COL1A2: variants seen among roughly 807,000 people sequenced by gnomAD.
COL1A2 encodes the protein collagen alpha-2(I) chain.
A neutral mutation model predicts 174.3 loss-of-function variants in COL1A2; 49 were observed. The observed-to-expected ratio is 0.28, with a 90% confidence interval of 0.22 to 0.36. The LOEUF is 0.36. Ranked by LOEUF, COL1A2 falls within the 10% of genes least tolerant of loss-of-function variation. The pLI, the probability that COL1A2 is intolerant of heterozygous loss-of-function variation, is 1.00. For missense variants in COL1A2, 1,438 were observed against 1,822.7 expected (o/e 0.79, Z 3.84); for synonymous variants, 655 against 606.6 (o/e 1.08, Z -1.17).
chr7:94,400,234 T>C lies in COL1A2; in HGVS notation c.171T>C (p.Gly57=), dbSNP rs1791663998. Residue 57 remains glycine, a synonymous_variant, in exon 5 of 52, where the codon GGT becomes GGC. Transcript: ENST00000297268. ...CCCCAGGCAGAGATGGTGAAGATGG[T>C]CCCACAGGCCCTCCTGGTCCACCTG... ...PGPPGRDGED[G]PTGPPGPPGP... 6.2e-7 allele frequency: 1 copy of C among 1,612,958 alleles called. No homozygotes were observed. Among genetic ancestry groups the C allele is most frequent in the African/African-American group, 1.3e-5 (1 of 74,596 alleles).
At chr7:94,408,092 G>T (rs1791839093) in intron 13 of COL1A2, 91 bp from the exon 14 acceptor site, 2 of 1,390,784 alleles carry the variant, frequency 1.4e-6, no homozygotes, top group Non-Finnish European at 2.0e-6. Flanking sequence ...GTGTATTCTT[G>T]TACAGGTTGG....
intron 28 of COL1A2, 136 bp downstream of exon 28, chr7:94,414,083 A>G: frequency 2.2e-6 from 3 of 1,338,582 alleles, no homozygotes; most frequent in South Asian, 2.4e-5. Context: ...TTTTTTTCAA[A>G]CAAACTTTTG....
At chr7:94,420,811 G>A in intron 37 of COL1A2, 163 bp downstream of exon 37, 5 of 906,404 alleles carry the variant, frequency 5.5e-6, no homozygotes, top group Non-Finnish European at 8.9e-6. Context: ...AAGTATAAAA[G>A]TTTCATGAAT....
At chr7:94,426,175 G>A in intron 45 of COL1A2, 124 bp downstream of exon 45, 1 of 957,112 alleles carries the variant, frequency 1.0e-6, no homozygotes, top group East Asian at 2.5e-5. Context: ...TTCAGTCCAT[G>A]CTGAGAATTG....
intron 33 of COL1A2, 22 bp downstream of exon 33, chr7:94,418,574 T>C (rs544582330): frequency 6.2e-7 from 1 of 1,600,848 alleles, no homozygotes; most frequent in South Asian, 1.1e-5. Flanking sequence ...TTTGTTTGTA[T>C]GTTTCTTCGT....
intron 33 of COL1A2, among the ~76,000 whole-genome samples, chr7:94,419,185 T>C (rs1792101629): frequency 6.6e-6 from 1 of 151,394 alleles, no homozygotes; most frequent in Non-Finnish European, 1.5e-5. Context: ...TCTAACAGTT[T>C]CAAACAAGGC....
In COL1A2 at chr7:94,405,746, A is replaced by AG; in HGVS notation, c.540+21dup. The stretch of plus-strand genomic sequence containing the variant: ...ATTAGGGTGAGCACATTCTTTACTC[A>AG]GAAGAGAGAAAATGCCTATTAATTT... On this transcript the variant is annotated intron_variant, in intron 11 of 51. Transcript: ENST00000297268. 1.2e-6 allele frequency: 2 copies of AG among 1,604,040 alleles called. No homozygotes were observed. Among genetic ancestry groups the AG allele is most frequent in the Non-Finnish European group, 1.7e-6 (2 of 1,170,828 alleles).
At chr7:94,397,088 A>G (rs1791599248) in intron 1 of COL1A2, among the ~76,000 whole-genome samples, 1 of 152,158 alleles carries the variant, frequency 6.6e-6, no homozygotes, top group South Asian at 2.1e-4. Flanking sequence ...ACATATTGGT[A>G]AAATGATCTT....
chr7:94,422,005 C>CT, intron 39 of COL1A2, 53 bp downstream of exon 39: 1 of 1,491,446 alleles, frequency 6.7e-7, no homozygotes, highest in Non-Finnish European at 9.3e-7. Flanking sequence ...AAAGGCCTGG[C>CT]TTCTGATAGG....
At position 94,423,033 on chromosome 7, in the gene COL1A2, C is replaced by T. The variant is rs758207157; in HGVS notation, c.2480C>T (p.Pro827Leu). The change falls in exon 40 of 52, where the codon CCA becomes CTA. Residue 827 changes from proline to leucine, a missense_variant. By Grantham distance (98) the Pro-to-Leu change is moderately conservative. Transcript: ENST00000297268. ...CGTGGTCCTCGTGGTGACCAAGGTC[C>T]AGTTGGCCGAACTGGAGAAGTAGGT... ...GLRGPRGDQG[P>L]VGRTGEVGAV... The T allele has an allele frequency of 2.5e-6, 4 of 1,614,114 alleles. No homozygotes were observed. The highest frequency in any genetic ancestry group is 2.2e-5 in the East Asian group (1 of 44,882).
chr7:94,426,904 G>T (rs7805430), intron 46 of COL1A2, 104 bp from the exon 47 acceptor site: 1 of 963,170 alleles, frequency 1.0e-6, no homozygotes, highest in Non-Finnish European at 1.6e-6. Flanking sequence ...TTCTCAATCC[G>T]GAGTCCATTT....
intron 12 of COL1A2, among the ~76,000 whole-genome samples, chr7:94,407,247 G>A (rs1259018212): frequency 1.3e-5 from 2 of 152,064 alleles, no homozygotes; most frequent in African/African-American, 4.8e-5. Context: ...TGGAAATTAA[G>A]GGTCCTTATG....
chr7:94,399,716 G>C (rs1791649354), intron 4 of COL1A2, among the ~76,000 whole-genome samples: 1 of 152,134 alleles, frequency 6.6e-6, no homozygotes, highest in African/African-American at 2.4e-5. Flanking sequence ...AACAATACAA[G>C]TAGTTAATGA....
intron 40 of COL1A2, 185 bp from the exon 41 acceptor site, chr7:94,424,151 T>C (rs913229656): frequency 2.2e-5 from 13 of 584,064 alleles, no homozygotes; most frequent in Non-Finnish European, 3.4e-5. Context: ...GATACAAAAG[T>C]ATTCATGCCA....
chr7:94,414,994 A>G (rs1001963153), intron 29 of COL1A2, among the ~76,000 whole-genome samples: 1 of 152,234 alleles, frequency 6.6e-6, no homozygotes, highest in African/African-American at 2.4e-5. Context: ...ATAATGGGAA[A>G]CAAATTTTTT....
chr7:94,429,590 A>ATATT (rs972118406), intron 51 of COL1A2, 160 bp downstream of exon 51: 7 of 665,232 alleles, frequency 1.1e-5, no homozygotes, highest in African/African-American at 7.3e-5. Context: ...TATGTATTTT[A>ATATT]TATTTATTTA....
At chr7:94,420,959 T>C (rs768260531) in intron 37 of COL1A2, 50 bp from the exon 38 acceptor site, 2 of 1,552,844 alleles carry the variant, frequency 1.3e-6, no homozygotes, top group African/African-American at 2.7e-5. Context: ...AAGAGTAGCA[T>C]TTACAAGGGT....
chr7:94,408,006 T>C (rs775626995), intron 13 of COL1A2, 115 bp downstream of exon 13: 54 of 1,211,724 alleles, frequency 4.5e-5, no homozygotes, highest in Non-Finnish European at 5.7e-5. Context: ...TTTGATGTTT[T>C]TCTAATAGCC....
At chr7:94,424,665 TG>T in intron 41 of COL1A2, 1 of 555,024 alleles carries the variant, frequency 1.8e-6, no homozygotes, top group South Asian at 2.0e-5. Context: ...GAATGATTTT[TG>T]TTCTTTCCAC....
Sources: gnomAD v4.1 joint callset for allele counts (sites outside exome capture counted in the v4.1 genomes callset) on GRCh38, gnomAD v4.1.1 for gene constraint, MANE v1.5 for transcripts, NCBI Gene and HGNC (gene_info 2026-07-23, HGNC 2026-07-21) for gene names.